PTPRG: variants seen among roughly 807,000 people sequenced by gnomAD.
PTPRG encodes the protein receptor-type tyrosine-protein phosphatase gamma.
Under a neutral mutation model 165.3 loss-of-function variants are expected in PTPRG, and 102 were observed. That is an observed-to-expected ratio of 0.62 (90% CI 0.53 to 0.73). PTPRG has a LOEUF of 0.73. PTPRG is among the 30% of genes least tolerant of loss of function. The pLI, the probability that PTPRG is intolerant of heterozygous loss-of-function variation, is 0.00. For missense variants in PTPRG, 1,866 were observed against 1,861.4 expected, an observed-to-expected ratio of 1.00 and a Z score of -0.05; for synonymous variants, 675 against 669.5, an observed-to-expected ratio of 1.01 and a Z score of -0.13.
At chr3:61,589,340 T>C (rs1434166698) in intron 1 of PTPRG, among the ~76,000 whole-genome samples, 1 of 152,210 alleles carries the variant, frequency 6.6e-6, no homozygotes, top group East Asian at 1.9e-4. Context: ...TTAAGGAAAC[T>C]ATCACTTGTT....
At chr3:61,940,054 C>T (rs1001571942) in intron 2 of PTPRG, among the ~76,000 whole-genome samples, 1 of 146,462 alleles carries the variant, frequency 6.8e-6, no homozygotes. Context: ...TCAAGCAATT[C>T]TCCTGCCTCA....
In PTPRG at chr3:61,563,971, C is replaced by T. The variant is rs915105813; in HGVS notation, c.85+1599C>T. Among the ~76,000 whole-genome samples the T allele has an allele frequency of 3.6e-5, 3 of 82,320 alleles. No homozygotes were observed. In the East Asian group the frequency reaches 2.2e-3, roughly 59 times the overall value. The allele number at this position is 82,320 out of a possible 152,430, so 54.0% of individuals were successfully genotyped here. The stretch of plus-strand genomic sequence containing the variant: ...ACGGAGCTCCAGCCCAGAAACGCAG[C>T]TCGGAGGCCGAGCTAGGACGTGCGT... On this transcript the variant is annotated intron_variant, in intron 1 of 29. Coordinates refer to ENST00000474889, the MANE Select transcript of PTPRG (RefSeq NM_002841.4).
intron 20 of PTPRG, among the ~76,000 whole-genome samples, chr3:62,270,573 G>A (rs1202363290): frequency 6.6e-6 from 1 of 152,022 alleles, no homozygotes; most frequent in Non-Finnish European, 1.5e-5. Flanking sequence ...AGGAACTTTA[G>A]GTGTTTTACA....
intron 4 of PTPRG, among the ~76,000 whole-genome samples, chr3:62,049,782 G>A (rs1700413993): frequency 1.3e-5 from 2 of 152,202 alleles, no homozygotes; most frequent in African/African-American, 4.8e-5. Context: ...TTACTGAGCT[G>A]TTGAGCTACA....
At chr3:61,714,031 G>C (rs1297384410) in intron 1 of PTPRG, among the ~76,000 whole-genome samples, 8 of 152,142 alleles carry the variant, frequency 5.3e-5, no homozygotes, top group African/African-American at 1.9e-4. Context: ...ATCCAAATGA[G>C]AGATTTGAAC....
intron 3 of PTPRG, among the ~76,000 whole-genome samples, chr3:61,992,986 G>A (rs182044626): frequency 2.8e-4 from 43 of 152,118 alleles, no homozygotes; most frequent in Middle Eastern, 3.4e-3. Flanking sequence ...ATCTTAACAC[G>A]CCACATTAGT....
At chr3:62,043,497 T>A (rs1326485537) in intron 4 of PTPRG, among the ~76,000 whole-genome samples, 1 of 152,208 alleles carries the variant, frequency 6.6e-6, no homozygotes. Context: ...AGAGCCCTTC[T>A]CATAAGAGAA....
At chr3:62,242,693 T>C (rs1452782047) in intron 14 of PTPRG, among the ~76,000 whole-genome samples, 1 of 152,202 alleles carries the variant, frequency 6.6e-6, no homozygotes, top group Non-Finnish European at 1.5e-5. Context: ...GCCCCTTCTT[T>C]GGCCTCATAG....
At chr3:61,958,859 A>G (rs1575823933) in intron 2 of PTPRG, among the ~76,000 whole-genome samples, 1 of 152,222 alleles carries the variant, frequency 6.6e-6, no homozygotes, top group Non-Finnish European at 1.5e-5. Flanking sequence ...ATGGAAATCC[A>G]CACGAACTTA....
intron 5 of PTPRG, among the ~76,000 whole-genome samples, chr3:62,097,589 A>G (rs1876574): frequency 0.75 from 113,923 of 152,020 alleles, 42,939 homozygotes; most frequent in Middle Eastern, 0.83. Flanking sequence ...GTAGGAATGC[A>G]TTCAAAAAAC....
chr3:62,225,971 T>C (rs1048369936), intron 13 of PTPRG, among the ~76,000 whole-genome samples: 1 of 152,194 alleles, frequency 6.6e-6, no homozygotes. Flanking sequence ...GAACCTTTTA[T>C]GACTATGTAC....
chr3:61,765,410 C>G (rs1043421011), intron 2 of PTPRG, among the ~76,000 whole-genome samples: 2 of 152,102 alleles, frequency 1.3e-5, no homozygotes, highest in African/African-American at 4.8e-5. Context: ...TTTGAGGTCT[C>G]TTGTGACTAT....
At chr3:62,283,135 A>T (rs1702515890) in intron 28 of PTPRG, among the ~76,000 whole-genome samples, 1 of 152,156 alleles carries the variant, frequency 6.6e-6, no homozygotes, top group Admixed American at 6.6e-5. Flanking sequence ...ACAGAGGTAG[A>T]TCTGCATGCA....
rs1265958197 is a variant in PTPRG, at chr3:62,190,070, G to A, written c.1034-1399G>A. On this transcript the variant is annotated intron_variant, in intron 8 of 29. Transcript: ENST00000474889. This position sits in a 1 kb window ranked among gnomAD's most constrained non-coding sequence, Gnocchi z 5.2. ...CCTCTCCCTCCTCTCCCTCCATCCTGTCCTGGCGTGCAGTGATGGCTCTGC... is the reference window on the plus strand; with the variant it reads ...CCTCTCCCTCCTCTCCCTCCATCCTATCCTGGCGTGCAGTGATGGCTCTGC... 6.6e-6 allele frequency among the ~76,000 whole-genome samples: 1 copy of A among 152,140 alleles called. No homozygotes were observed. Among genetic ancestry groups the A allele is most frequent in the Non-Finnish European group, 1.5e-5 (1 of 68,034 alleles).
rs1256642965 is a variant in PTPRG, at chr3:62,195,093, G to C, written c.1250G>C (p.Ser417Thr). ...ACCATTAGCCATGTCTCACCCGATA[G>C]CCTTTACCTGTTCCGAGTCCAGGCC... is the stretch of plus-strand genomic sequence containing the variant. Reference protein sequence around the residue: ...KATISHVSPDSLYLFRVQAVC... With the variant: ...KATISHVSPDTLYLFRVQAVC... The change falls in exon 10 of 30, where the codon AGC becomes ACC. Residue 417 changes from serine to threonine, a missense_variant. By Grantham distance (58) the Ser-to-Thr change is moderately conservative. This residue lies in a region of PTPRG where 1,452 missense variants were observed against 1,463.0 expected (regional missense o/e 0.99). Transcript: ENST00000474889. This position sits in a 1 kb window ranked among gnomAD's most constrained non-coding sequence, Gnocchi z 4.4. 1 of 1,614,186 alleles carries C rather than the reference G, an allele frequency of 6.2e-7. No individual in the cohort carries two copies. The highest frequency in any genetic ancestry group is 2.2e-5 in the East Asian group (1 of 44,866).
intron 2 of PTPRG, among the ~76,000 whole-genome samples, chr3:61,824,907 A>G (rs2036062495): frequency 6.6e-6 from 1 of 152,196 alleles, no homozygotes; most frequent in Non-Finnish European, 1.5e-5. Flanking sequence ...GCTTCCTTAG[A>G]TTTAACAACC....
At chr3:61,659,090 G>A (rs1304239910) in intron 1 of PTPRG, among the ~76,000 whole-genome samples, 1 of 152,108 alleles carries the variant, frequency 6.6e-6, no homozygotes, top group East Asian at 1.9e-4. Flanking sequence ...CAGTGCCCAA[G>A]ACCTAGCAGA....
intron 2 of PTPRG, among the ~76,000 whole-genome samples, chr3:61,912,279 C>G (rs1393540169): frequency 6.6e-6 from 1 of 152,042 alleles, no homozygotes; most frequent in East Asian, 1.9e-4. Flanking sequence ...AAACAGTCAG[C>G]AAACAAAACA....
intron 4 of PTPRG, among the ~76,000 whole-genome samples, chr3:62,013,071 C>G (rs2041464444): frequency 6.6e-6 from 1 of 151,808 alleles, no homozygotes; most frequent in Non-Finnish European, 1.5e-5. Flanking sequence ...TTTATTTTAA[C>G]AAATATTTTT....
Sources: gnomAD v4.1 joint callset for allele counts (sites outside exome capture counted in the v4.1 genomes callset) on GRCh38, gnomAD v4.1.1 for gene constraint, gnomAD v4.1.1 regional missense constraint, Gnocchi (gnomAD v3.1) non-coding constraint, MANE v1.5 for transcripts, NCBI Gene and HGNC (gene_info 2026-07-23, HGNC 2026-07-21) for gene names.